Variants in MEIS2 observed in about 807,000 individuals in gnomAD.
The protein encoded by MEIS2 is Meis homeobox 2, also known as homeobox protein Meis2.
Under a neutral mutation model 58.6 loss-of-function variants are expected in MEIS2, and 9 were observed. The ratio of observed to expected loss-of-function variants is 0.15; its 90% CI spans 0.09 to 0.27. The LOEUF is 0.27. MEIS2 is among the 10% of genes least tolerant of loss of function. The probability of loss-of-function intolerance (pLI) is 1.00; values close to 1 mark genes in which losing one functional copy is unlikely to be tolerated. For synonymous variants in MEIS2, 221 were observed against 228.4 expected (o/e 0.97, Z 0.29); for missense variants, 427 against 635.0 (o/e 0.67, Z 3.52).
intron 8 of MEIS2, among the ~76,000 whole-genome samples, chr15:36,960,510 A>G (rs2059145198): frequency 6.6e-6 from 1 of 152,114 alleles, no homozygotes; most frequent in Non-Finnish European, 1.5e-5. Flanking sequence ...TAGGAAACAC[A>G]ACCCCTTAAT....
chr15:36,951,433 G>T (rs1030942010), intron 8 of MEIS2, among the ~76,000 whole-genome samples: 5 of 151,862 alleles, frequency 3.3e-5, no homozygotes, highest in Admixed American at 3.3e-4. Flanking sequence ...ATTATTAGAG[G>T]GTGACATTAG....
chr15:36,972,194 C>T (rs1276483021), intron 8 of MEIS2, among the ~76,000 whole-genome samples: 3 of 151,994 alleles, frequency 2.0e-5, no homozygotes, highest in Non-Finnish European at 4.4e-5. Context: ...CTGAGTAGCA[C>T]AAAAGTAAGT....
chr15:37,041,403 C>T (rs2062417832), intron 7 of MEIS2, among the ~76,000 whole-genome samples: 1 of 152,182 alleles, frequency 6.6e-6, no homozygotes. Flanking sequence ...ATCCCTGGGT[C>T]CTCCTTCTGT....
intron 8 of MEIS2, among the ~76,000 whole-genome samples, chr15:36,952,718 T>C (rs902177608): frequency 4.6e-5 from 7 of 151,282 alleles, no homozygotes; most frequent in South Asian, 2.1e-4. Flanking sequence ...AGCAGAATAG[T>C]TGAAATGGGA....
At chr15:36,907,468 T>G (rs2056796695) in intron 9 of MEIS2, among the ~76,000 whole-genome samples, 1 of 152,298 alleles carries the variant, frequency 6.6e-6, no homozygotes, top group Non-Finnish European at 1.5e-5. Context: ...TTCATTTGTC[T>G]GGGGATCTCT....
At chr15:36,893,575 G>A (rs1459136164) in intron 11 of MEIS2, among the ~76,000 whole-genome samples, 5 of 152,184 alleles carry the variant, frequency 3.3e-5, no homozygotes, top group African/African-American at 1.2e-4. Context: ...AATCAAGAGA[G>A]GATAATATTC....
chr15:37,086,741 G>C (rs1221699863), intron 6 of MEIS2, among the ~76,000 whole-genome samples: 4 of 152,162 alleles, frequency 2.6e-5, no homozygotes, highest in Non-Finnish European at 4.4e-5. Flanking sequence ...AAATCCCTCT[G>C]GGGTTTCAAG....
chr15:36,916,386 C>T (rs967662687), intron 9 of MEIS2, among the ~76,000 whole-genome samples: 2 of 149,670 alleles, frequency 1.3e-5, no homozygotes, highest in African/African-American at 5.0e-5. Context: ...GAGACCGCAC[C>T]GCTGCACTCC....
intron 8 of MEIS2, among the ~76,000 whole-genome samples, chr15:37,029,230 G>A (rs1026677003): frequency 6.6e-6 from 1 of 152,198 alleles, no homozygotes; most frequent in Non-Finnish European, 1.5e-5. Flanking sequence ...ACTTTCAGCT[G>A]TGTGTTCTGC....
chr15:37,010,599 G>T (rs901649845), intron 8 of MEIS2, among the ~76,000 whole-genome samples: 1 of 152,002 alleles, frequency 6.6e-6, no homozygotes, highest in Non-Finnish European at 1.5e-5. Context: ...GCTGGCCCTC[G>T]AACTCCTGGG....
chr15:37,014,410 A>T (rs953945443), intron 8 of MEIS2, among the ~76,000 whole-genome samples: 1 of 152,212 alleles, frequency 6.6e-6, no homozygotes, highest in African/African-American at 2.4e-5. Flanking sequence ...TGAGCCACAA[A>T]TGGAAAAATG....
intron 9 of MEIS2, among the ~76,000 whole-genome samples, chr15:36,919,135 C>A (rs1360293511): frequency 1.3e-5 from 2 of 152,104 alleles, no homozygotes; most frequent in East Asian, 3.9e-4. Context: ...GAGCTATGAC[C>A]ATGCCACTGT....
In MEIS2 at chr15:36,950,947, A is replaced by G. The variant is rs78904816; in HGVS notation, c.901-547T>C. Among the ~76,000 whole-genome samples, 878 of 152,280 alleles carry G rather than the reference A, an allele frequency of 5.8e-3. 8 individuals carry two copies. The highest frequency in any genetic ancestry group is 0.02 in the African/African-American group (819 of 41,562). On this transcript the variant is annotated intron_variant, in intron 8 of 11. Transcript: ENST00000561208. ...AATTACAACACAGTTTACTTACAGT[A>G]TATTTATGTTGACTCCTTTATGGGA... is the stretch of plus-strand genomic sequence containing the variant.
chr15:36,894,745 T>A, intron 11 of MEIS2: 5 of 1,613,760 alleles, frequency 3.1e-6, no homozygotes, highest in Non-Finnish European at 4.2e-6. Context: ...TTGCTTTACA[T>A]GATGAAGGTT....
At chr15:37,087,844 A>G (rs772453581) in intron 6 of MEIS2, among the ~76,000 whole-genome samples, 1 of 152,140 alleles carries the variant, frequency 6.6e-6, no homozygotes, top group Non-Finnish European at 1.5e-5. Context: ...ATGATTCCAC[A>G]TGGCACATGG....
At chr15:37,057,979 T>C (rs1286259698) in intron 7 of MEIS2, among the ~76,000 whole-genome samples, 2 of 152,236 alleles carry the variant, frequency 1.3e-5, no homozygotes, top group Non-Finnish European at 2.9e-5. Context: ...AACATGGTGC[T>C]TCTTTTCAAA....
rs1458900268 is a variant in MEIS2, at chr15:37,100,494, G to GGGAGCGGGAGCGA, written c.-1041_-1029dup. The GGGAGCGGGAGCGA allele has an allele frequency of 1.6e-3, 245 of 152,254 alleles. No individual in the cohort carries two copies. Among genetic ancestry groups the GGGAGCGGGAGCGA allele is most frequent in the Non-Finnish European group, 3.0e-3 (201 of 68,028 alleles). The allele number at this position is 152,254 out of a possible 1,614,324, so 9.4% of individuals were successfully genotyped here. A position where few individuals can be genotyped will look rare whatever the true frequency, so the allele number is the denominator to read the frequency against. On this transcript the variant is annotated 5_prime_UTR_variant, in exon 1 of 12. Coordinates refer to ENST00000561208, the MANE Select transcript of MEIS2 (RefSeq NM_170675.5). ...ACGGCGGAGACACATCCCGGGAGTG[G>GGGAGCGGGAGCGA]GGAGCGGGAGCGAGGAGGAGCGCGC...
chr15:37,043,272 G>A (rs2141766620), intron 7 of MEIS2, among the ~76,000 whole-genome samples: 1 of 152,172 alleles, frequency 6.6e-6, no homozygotes, highest in African/African-American at 2.4e-5. Flanking sequence ...TCATCTGGAG[G>A]AACAAGACTT....
intron 7 of MEIS2, among the ~76,000 whole-genome samples, chr15:37,040,301 C>A (rs1047313485): frequency 1.3e-5 from 2 of 152,278 alleles, no homozygotes; most frequent in East Asian, 1.9e-4. Context: ...TACCTCCATG[C>A]CTGACTCAGA....
Sources: allele counts gnomAD v4.1 joint callset (sites outside exome capture counted in the v4.1 genomes callset), GRCh38; gene constraint gnomAD v4.1.1; transcripts MANE v1.5; gene names NCBI Gene and HGNC (gene_info 2026-07-23, HGNC 2026-07-21).